FAM217A: variants seen among roughly 807,000 people sequenced by gnomAD.
FAM217A encodes the protein family with sequence similarity 217 member A.
A neutral mutation model predicts 18.5 loss-of-function variants in FAM217A; 13 were observed. That is an observed-to-expected ratio of 0.70 (90% CI 0.46 to 1.12). The LOEUF is 1.12. Among genes scored for constraint, FAM217A ranks in the 50% most tolerant of loss-of-function variants. The pLI is 0.00. For synonymous variants in FAM217A, 161 were observed against 202.8 expected (o/e 0.79, Z 1.75); for missense variants, 560 against 575.4 (o/e 0.97, Z 0.27).
chr6:4,084,298 G>A (rs763598094), intron 2 of FAM217A, among the ~76,000 whole-genome samples: 3 of 152,170 alleles, frequency 2.0e-5, no homozygotes, highest in Non-Finnish European at 2.9e-5. Context: ...TTCCTGGAAC[G>A]TGTGATAGTG....
intron 2 of FAM217A, chr6:4,084,443 C>A: frequency 1.7e-6 from 1 of 595,698 alleles, no homozygotes; most frequent in Non-Finnish European, 3.0e-6. Flanking sequence ...TGATTTAAGA[C>A]TTGATTTCTG....
chr6:4,085,541 A>G (rs1770601703), intron 1 of FAM217A, among the ~76,000 whole-genome samples: 1 of 152,080 alleles, frequency 6.6e-6, no homozygotes, highest in African/African-American at 2.4e-5. Flanking sequence ...TGGCATGTTG[A>G]ATGGCTTAAA....
rs750659240 is a variant in FAM217A at position 4,068,593 on chromosome 6, T to G, written c.*103A>C. The G allele has an allele frequency of 3.6e-4, 475 of 1,305,504 alleles. No homozygotes were observed. The highest frequency in any genetic ancestry group is 4.7e-4 in the Non-Finnish European group (454 of 957,396). The allele number at this position is 1,305,504 out of a possible 1,614,324, so 80.9% of individuals were successfully genotyped here. A position where few individuals can be genotyped will look rare whatever the true frequency, so the allele number is the denominator to read the frequency against. On this transcript the variant is annotated 3_prime_UTR_variant, in exon 7 of 7. Coordinates refer to ENST00000274673, the MANE Select transcript of FAM217A (RefSeq NM_173563.3). ...ACATCAAGCAACTGTTTGGTGATTT[T>G]GGGGGACTGTTAATAGTACCTGTGT...
chr6:4,074,504 T>C, intron 3 of FAM217A, 48 bp from the exon 4 acceptor site: 1 of 1,580,462 alleles, frequency 6.3e-7, no homozygotes, highest in South Asian at 1.1e-5. Flanking sequence ...TAAAACTGAT[T>C]ATATTCAAAA....
intron 2 of FAM217A, 52 bp from the exon 3 acceptor site, chr6:4,074,713 G>A (rs758192359): frequency 3.7e-6 from 5 of 1,353,388 alleles, no homozygotes. Context: ...AACATAAAAA[G>A]CTCAATAATT....
chr6:4,084,849 C>A, intron 1 of FAM217A: 2 of 697,794 alleles, frequency 2.9e-6, no homozygotes, highest in South Asian at 1.5e-5. Flanking sequence ...ACCTAAAAGT[C>A]ATGAATAAAA....
At chr6:4,079,612 G>A (rs1158051069), upstream of FAM217A, 8 of 1,286,300 alleles carry the variant, frequency 6.2e-6, no homozygotes, top group East Asian at 3.5e-4. Flanking sequence ...CTGGGACCCG[G>A]GGCCCGGCCC....
chr6:4,084,095 C>A (rs1361650723), upstream of FAM217A, among the ~76,000 whole-genome samples: 2 of 152,124 alleles, frequency 1.3e-5, no homozygotes, highest in African/African-American at 2.4e-5. Flanking sequence ...TGATTTAGAA[C>A]TCTATTCTAT....
At chr6:4,084,756 C>T in exon 2 of FAM217A, 1 of 702,974 alleles carries the variant, frequency 1.4e-6, no homozygotes, top group Admixed American at 2.0e-5. Flanking sequence ...CTGATCTTGT[C>T]ACACCCACCA....
Position 4,077,634 on chromosome 6 carries a change from C to G in FAM217A, c.-34-186G>C, listed in dbSNP as rs77685397. Among the ~76,000 whole-genome samples, 4,335 of 152,020 alleles carry G rather than the reference C, an allele frequency of 0.029. 210 individuals carry two copies. Among genetic ancestry groups the G allele is most frequent in the African/African-American group, 0.1 (4,122 of 41,394 alleles). On this transcript the variant is annotated intron_variant, in intron 1 of 6. Transcript: ENST00000274673. The stretch of plus-strand genomic sequence containing the variant: ...CCAGAAGCAAGGGGCAAGCCTGACT[C>G]AAAAGGAGCACAGACAACAGCAAAC...
chr6:4,085,395 C>T (rs548895682), intron 1 of FAM217A, among the ~76,000 whole-genome samples: 15 of 151,804 alleles, frequency 9.9e-5, no homozygotes, highest in African/African-American at 3.6e-4. Context: ...TTGTGACCTA[C>T]TTCAGATTTC....
intron 2 of FAM217A, among the ~76,000 whole-genome samples, chr6:4,076,360 G>A (rs1175754941): frequency 6.6e-6 from 1 of 151,860 alleles, no homozygotes; most frequent in Admixed American, 6.6e-5. Context: ...AAAGAATGAG[G>A]GTGAGGCCCA....
At chr6:4,079,670 A>C, upstream of FAM217A, 1 of 1,283,356 alleles carries the variant, frequency 7.8e-7, no homozygotes. Flanking sequence ...TCAAGCCAGG[A>C]GCACCGCCCG....
intron 1 of FAM217A, among the ~76,000 whole-genome samples, chr6:4,077,788 C>T (rs2113878039): frequency 6.6e-6 from 1 of 152,262 alleles, no homozygotes; most frequent in Admixed American, 6.5e-5. Flanking sequence ...AACAGGGGCA[C>T]AAAGTCTCCT....
chr6:4,083,670 G>C (rs1220542056), upstream of FAM217A, among the ~76,000 whole-genome samples: 2 of 151,382 alleles, frequency 1.3e-5, no homozygotes, highest in Non-Finnish European at 2.9e-5. Context: ...TCCTGTCTCA[G>C]TCTCCCAAGT....
upstream of FAM217A, among the ~76,000 whole-genome samples, chr6:4,080,500 G>A (rs140152612): frequency 6.6e-6 from 1 of 152,192 alleles, no homozygotes. Context: ...AAGCACAATC[G>A]ATGTAAGTGA....
upstream of FAM217A, among the ~76,000 whole-genome samples, chr6:4,083,630 C>CAACCTCT (rs146790218): frequency 0.2 from 29,150 of 148,660 alleles, 2,965 homozygotes; most frequent in East Asian, 0.36. Context: ...CAGCTCACTG[C>CAACCTCT]AACCTCTGTC....
At position 4,074,574 on chromosome 6, in the gene FAM217A, T is replaced by C. The variant is rs1167243323; in HGVS notation, c.145+3A>G. 1.9e-6 allele frequency: 3 copies of C among 1,611,672 alleles called. No individual in the cohort carries two copies. The highest frequency in any genetic ancestry group is 2.7e-5 in the African/African-American group (2 of 74,850). ...ATAAGTATACACATCTAGGATTTCT[T>C]ACCACCTGCTGCTCCATCCCTTCCA... On this transcript the variant is annotated splice_donor_region_variant and intron_variant, in intron 3 of 6. Transcript: ENST00000274673.
chr6:4,079,233 G>A, upstream of FAM217A: 1 of 213,368 alleles, frequency 4.7e-6, no homozygotes, highest in Non-Finnish European at 9.2e-6. Context: ...CGGGGTCGCC[G>A]CCGGCCGCCC....
Sources: gnomAD v4.1 joint callset for allele counts (sites outside exome capture counted in the v4.1 genomes callset) on GRCh38, gnomAD v4.1.1 for gene constraint, MANE v1.5 for transcripts, NCBI Gene and HGNC (gene_info 2026-07-23, HGNC 2026-07-21) for gene names.